Variants in KRT73 observed in about 807,000 individuals in gnomAD.
KRT73 encodes the protein keratin, type II cytoskeletal 73.
In KRT73, 44 loss-of-function variants were observed where a neutral mutation model predicts 47.2. The ratio of observed to expected loss-of-function variants is 0.93; its 90% CI spans 0.73 to 1.20. The LOEUF is 1.20. KRT73 is among the 50% of genes most tolerant of loss of function. KRT73 has a pLI of 0.00. For synonymous variants in KRT73, 285 were observed against 291.3 expected (o/e 0.98, Z 0.22); for missense variants, 713 against 704.5 (o/e 1.01, Z -0.14).
rs745377959 is a variant in KRT73, at chr12:52,608,343, G to T, written c.1476C>A (p.Ser492Arg). The change falls in exon 9 of 9, where the codon AGC (serine) becomes AGA (arginine). Residue 492 changes from serine (S) to arginine (R), a missense_variant. Physicochemically the swap from Ser to Arg is moderately radical, Grantham distance 110. Coordinates refer to ENST00000305748, the MANE Select transcript of KRT73 (RefSeq NM_175068.3). ...CAGTGACACAGCCCCCAGGCAGCAT[G>T]CTGTAGCCCCCGCTGACAGAGCTGG... Reference protein sequence around the residue: ...YWPSSVSGGYSMLPGGCVTGS... With the variant: ...YWPSSVSGGYRMLPGGCVTGS... 5 of 1,613,888 alleles carry T rather than the reference G, an allele frequency of 3.1e-6. No individual in the cohort carries two copies. In the East Asian group the frequency reaches 8.9e-5, roughly 29 times the overall value.
chr12:52,625,451 T>C, the KRT73 span, among the ~76,000 whole-genome samples: 2 of 152,094 alleles, frequency 1.3e-5, no homozygotes, highest in African/African-American at 4.8e-5. Flanking sequence ...TCAACACCTA[T>C]CAGAATGGCT....
the KRT73 span, among the ~76,000 whole-genome samples, chr12:52,628,221 A>G: frequency 0.79 from 120,410 of 152,002 alleles, 48,606 homozygotes; most frequent in African/African-American, 0.95. Context: ...TATGGCCCTT[A>G]TGATGGATTT....
In KRT73 at chr12:52,607,776, G is replaced by C. The variant is rs1360486559; in HGVS notation, c.*420C>G. ...GAGCCAGTATTGCTCTAACATGAGA[G>C]AGTTCCTGCAGGTCTATCAGTAGAT... On this transcript the variant is annotated 3_prime_UTR_variant, in exon 9 of 9. Coordinates refer to ENST00000305748, the MANE Select transcript of KRT73 (RefSeq NM_175068.3). The C allele has an allele frequency of 6.2e-6, 1 of 162,020 alleles. No homozygotes were observed. The highest frequency in any genetic ancestry group is 2.4e-5 in the African/African-American group (1 of 41,712). 10.0% of individuals were successfully genotyped at this position (162,020 alleles called of 1,614,324 possible).
rs182428594 is a variant in KRT73 at position 52,613,858 on chromosome 12, G to A, written c.820-6C>T. ...GACTGGATCTGAGCAGTCTCCTGCA[G>A]GGGAAACAAGGAAGCATGAAATGCC... is the stretch of plus-strand genomic sequence containing the variant. On this transcript the variant is annotated splice_region_variant and splice_polypyrimidine_tract_variant and intron_variant, in intron 4 of 8. Coordinates refer to ENST00000305748, the MANE Select transcript of KRT73 (RefSeq NM_175068.3). 24 of 1,612,496 alleles carry A rather than the reference G, an allele frequency of 1.5e-5. No homozygotes were observed. The Admixed American group carries it at 3.8e-4, about 26-fold the overall frequency.
In KRT73 at chr12:52,613,855, G is replaced by T; in HGVS notation, c.820-3C>A. ...TGGGACTGGATCTGAGCAGTCTCCT[G>T]CAGGGGAAACAAGGAAGCATGAAAT... On this transcript the variant is annotated splice_region_variant and splice_polypyrimidine_tract_variant and intron_variant, in intron 4 of 8. Coordinates refer to ENST00000305748, the MANE Select transcript of KRT73 (RefSeq NM_175068.3). 6.2e-7 allele frequency: 1 copy of T among 1,613,062 alleles called. No homozygotes were observed. Among genetic ancestry groups the T allele is most frequent in the South Asian group, 1.1e-5 (1 of 90,908 alleles).
chr12:52,627,096 A>C, the KRT73 span, among the ~76,000 whole-genome samples: 2 of 152,210 alleles, frequency 1.3e-5, no homozygotes, highest in Non-Finnish European at 2.9e-5. Context: ...TGTTCACAGT[A>C]GATACAGCAC....
In KRT73 at chr12:52,608,263, C is replaced by G. The variant is rs1295776105; in HGVS notation, c.1556G>C (p.Ser519Thr). Residue 519 changes from serine to threonine, a missense_variant, in exon 9 of 9, where the codon AGT becomes ACT. Transcript: ENST00000305748. ...CTTTCCCTGGGAGTCCCTGAATTCACTTGCACTCCCCAGCCTGGTCCTGGC... is the reference window on the plus strand; with the variant it reads ...CTTTCCCTGGGAGTCCCTGAATTCAGTTGCACTCCCCAGCCTGGTCCTGGC... ...GEARTRLGSA[S>T]EFRDSQGKTL... 6.2e-7 allele frequency: 1 copy of G among 1,614,076 alleles called. No homozygotes were observed. The highest frequency in any genetic ancestry group is 8.5e-7 in the Non-Finnish European group (1 of 1,180,022).
intron 6 of KRT73, 146 bp from the exon 7 acceptor site, chr12:52,610,981 C>T (rs1940689106): frequency 3.4e-6 from 3 of 895,084 alleles, no homozygotes; most frequent in Admixed American, 2.7e-5. Context: ...GTCCTGTCAA[C>T]CTGAGACTGA....
intron 5 of KRT73, 67 bp downstream of exon 5, chr12:52,613,621 G>A: frequency 6.3e-7 from 1 of 1,590,646 alleles, no homozygotes; most frequent in Non-Finnish European, 8.6e-7. Flanking sequence ...GAGTCATGGG[G>A]CAGACAAGAC....
chr12:52,613,238 T>G (rs1462550046), intron 5 of KRT73: 1 of 154,886 alleles, frequency 6.5e-6, no homozygotes, highest in Non-Finnish European at 1.4e-5. Context: ...GGCCTCAAAC[T>G]TCTGCTTTAT....
intron 7 of KRT73, 159 bp downstream of exon 7, chr12:52,610,456 G>C (rs1940671203): frequency 1.4e-6 from 1 of 712,176 alleles, no homozygotes; most frequent in Non-Finnish European, 2.4e-6. Context: ...AAAGGAAATT[G>C]CTGTCACATT....
chr12:52,616,420 G>A lies in KRT73; in HGVS notation c.448-40C>T, dbSNP rs748982218. On this transcript the variant is annotated intron_variant, in intron 1 of 8. Transcript: ENST00000305748. ...ACACATACTTAAGCAATGTGGAGAG[G>A]GGATGTGAGAATTCCCTTCCTGGAC... is the stretch of plus-strand genomic sequence containing the variant. 3.4e-5 allele frequency: 54 copies of A among 1,609,102 alleles called. No individual in the cohort carries two copies. The Admixed American group carries it at 3.7e-4, about 11-fold the overall frequency.
chr12:52,619,728 G>A (rs1940871925), upstream of KRT73, among the ~76,000 whole-genome samples: 2 of 152,184 alleles, frequency 1.3e-5, no homozygotes, highest in Non-Finnish European at 2.9e-5. Context: ...GAGATGGGGA[G>A]GTAGGGGAAG....
chr12:52,609,381 C>G, intron 7 of KRT73, 100 bp from the exon 8 acceptor site: 1 of 972,660 alleles, frequency 1.0e-6, no homozygotes, highest in Non-Finnish European at 1.7e-6. Context: ...CAGACCAGCT[C>G]AGCCTTCACG....
At chr12:52,614,366 T>C (rs1441825120) in intron 4 of KRT73, 18 of 504,354 alleles carry the variant, frequency 3.6e-5, no homozygotes, top group Non-Finnish European at 7.0e-6. Context: ...TCTGTTTTCC[T>C]GGAGGAAGTG....
intron 1 of KRT73, 41 bp downstream of exon 1, chr12:52,618,037 A>C: frequency 6.3e-7 from 1 of 1,594,070 alleles, no homozygotes; most frequent in East Asian, 2.2e-5. Context: ...CTGAGTCCTT[A>C]AAAGGGGAGC....
At chr12:52,617,371 G>T (rs1940834899) in intron 1 of KRT73, among the ~76,000 whole-genome samples, 1 of 152,176 alleles carries the variant, frequency 6.6e-6, no homozygotes, top group Non-Finnish European at 1.5e-5. Flanking sequence ...AGGGTGCTGG[G>T]CCCTGCTGCA....
chr12:52,615,010 C>T, intron 3 of KRT73: 1 of 534,896 alleles, frequency 1.9e-6, no homozygotes, highest in Non-Finnish European at 3.3e-6. Flanking sequence ...AAACCTGCAG[C>T]CCCTCCCAAA....
At chr12:52,625,993 G>C in the KRT73 span, among the ~76,000 whole-genome samples, 1 of 1,154 alleles carries the variant, frequency 8.7e-4, no homozygotes, top group Non-Finnish European at 2.5e-3. Flanking sequence ...TTGCTTGGGG[G>C]TTAAACAGTG....
Sources: allele counts gnomAD v4.1 joint callset (sites outside exome capture counted in the v4.1 genomes callset), GRCh38; gene constraint gnomAD v4.1.1; transcripts MANE v1.5; gene names NCBI Gene and HGNC (gene_info 2026-07-23, HGNC 2026-07-21).